Variants in RBM12 observed in about 807,000 individuals in gnomAD.
RBM12 encodes the protein RNA-binding protein 12.
A neutral mutation model predicts 37.2 loss-of-function variants in RBM12; 24 were observed. That is an observed-to-expected ratio of 0.65 (90% CI 0.47 to 0.91). The LOEUF (loss-of-function observed/expected upper bound fraction) is 0.91. Ranked by LOEUF, RBM12 falls within the 40% of genes least tolerant of loss-of-function variation. RBM12 has a pLI of 0.00. For synonymous variants in RBM12, 420 were observed against 425.2 expected, an observed-to-expected ratio of 0.99 and a Z score of 0.15; for missense variants, 1,061 against 1,183.2, an observed-to-expected ratio of 0.90 and a Z score of 1.52.
intron 2 of RBM12, 101 bp downstream of exon 2, chr20:35,658,829 A>T (rs2034063254): frequency 3.2e-6 from 2 of 627,788 alleles, no homozygotes; most frequent in Non-Finnish European, 5.9e-6. Flanking sequence ...ACACACACAC[A>T]CACACACACA....
At chr20:35,655,928 CA>C (rs2033871665) in intron 2 of RBM12, among the ~76,000 whole-genome samples, 1 of 152,100 alleles carries the variant, frequency 6.6e-6, no homozygotes, top group Admixed American at 6.5e-5. Flanking sequence ...GAACTGGTTC[CA>C]TTATTTTATT....
chr20:35,656,289 A>G (rs551684177), intron 2 of RBM12, among the ~76,000 whole-genome samples: 1 of 152,244 alleles, frequency 6.6e-6, no homozygotes, highest in East Asian at 1.9e-4. Flanking sequence ...ACAGTCTTGG[A>G]CCTACACAAC....
At position 35,655,022 on chromosome 20, in the gene RBM12, T is replaced by C. The variant is rs890972480; in HGVS notation, c.301A>G (p.Asn101Asp). Residue 101 changes from asparagine (N) to aspartate (D), a missense_variant, in exon 3 of 3, where the codon AAT becomes GAT. Asn to Asp is a conservative substitution (Grantham distance 23, BLOSUM62 1). This residue lies in a region of RBM12 where 540 missense variants were observed against 632.7 expected (regional missense o/e 0.85). Transcript: ENST00000374114. ...GGTGGTGGTCCTGATCTACTGGCAT[T>C]TGCTGGTGGTATATCTAAGTTGGCA... is the stretch of plus-strand genomic sequence containing the variant. ...ETANLDIPPANASRSGPPPSS... is the reference protein window; with the variant it reads ...ETANLDIPPADASRSGPPPSS... 1 of 1,614,174 alleles carries C rather than the reference T, an allele frequency of 6.2e-7. No individual in the cohort carries two copies. Among genetic ancestry groups the C allele is most frequent in the African/African-American group, 1.3e-5 (1 of 75,040 alleles).
chr20:35,653,253 C>T lies in RBM12; in HGVS notation c.2070G>A (p.Ala690=), dbSNP rs202192430. 3.7e-6 allele frequency: 6 copies of T among 1,613,504 alleles called. No homozygotes were observed. The highest frequency in any genetic ancestry group is 1.7e-5 in the Admixed American group (1 of 59,996). Residue 690 remains alanine, a synonymous_variant, in exon 3 of 3, where the codon GCG becomes GCA. Coordinates refer to ENST00000374114, the MANE Select transcript of RBM12 (RefSeq NM_006047.6). The part of the protein sequence containing the change: ...SAITSAGLPG[A]GMPSAGIPSA... ...TAGGTATTCCTGCACTGGGCATTCC[C>T]GCACCAGGCAGTCCTGCACTGGTTA...
chr20:35,653,693 C>T lies in RBM12; in HGVS notation c.1630G>A (p.Val544Ile). Residue 544 changes from valine (V) to isoleucine (I), a missense_variant, in exon 3 of 3, where the codon GTC (valine) becomes ATC (isoleucine). Physicochemically the swap from Val to Ile is conservative, Grantham distance 29. Transcript: ENST00000374114. ...NPEGDVNSAK[V>I]CAHITNIPFS... ...GGAATATTTGTTATGTGGGCACAGA[C>T]TTTGGCAGAGTTGACATCCCCCTCT... 6.2e-7 allele frequency: 1 copy of T among 1,614,218 alleles called. No homozygotes were observed. The highest frequency in any genetic ancestry group is 2.2e-5 in the East Asian group (1 of 44,892).
At chr20:35,658,800 AAAACACACAC>A in intron 2 of RBM12, 120 bp downstream of exon 2, 1 of 481,520 alleles carries the variant, frequency 2.1e-6, no homozygotes, top group Non-Finnish European at 3.6e-6. Context: ...CAAGCAAACA[AAAACACACAC>A]ACACACACAC....
chr20:35,652,485 C>A lies in RBM12; in HGVS notation c.*39G>T, dbSNP rs1262256294. On this transcript the variant is annotated 3_prime_UTR_variant, in exon 3 of 3. Coordinates refer to ENST00000374114, the MANE Select transcript of RBM12 (RefSeq NM_006047.6). ...AACAATCTGGATGCATTAATCACAG[C>A]AATATGAAGATCTACCCTATAAAAA... 1 of 1,565,336 alleles carries A rather than the reference C, an allele frequency of 6.4e-7. No individual in the cohort carries two copies.
In RBM12 at chr20:35,654,712, G is replaced by C. The variant is rs767090025; in HGVS notation, c.611C>G (p.Ser204Cys). The change falls in exon 3 of 3, where the codon TCC (serine) becomes TGC (cysteine). Residue 204 changes from serine (S) to cysteine (C), a missense_variant. Ser to Cys is a moderately radical substitution (Grantham distance 112). Transcript: ENST00000374114. ...PAMPSLPPMP[S>C]IPPIPVPPPV... ...AGGAGGAACTGGAATTGGGGGAATG[G>C]ATGGCATTGGTGGCAGAGATGGCAT... 10 of 1,613,856 alleles carry C rather than the reference G, an allele frequency of 6.2e-6. No homozygotes were observed. The highest frequency in any genetic ancestry group is 8.5e-6 in the Non-Finnish European group (10 of 1,179,756).
chr20:35,663,280 T>A (rs908428571), intron 1 of RBM12, among the ~76,000 whole-genome samples: 4 of 152,232 alleles, frequency 2.6e-5, no homozygotes, highest in Admixed American at 2.6e-4. Context: ...GATTTCCCTA[T>A]GTGTCCAGAC....
chr20:35,652,464 A>G lies in RBM12; in HGVS notation c.*60T>C. ...CTAACCTGGAAATACTAGGAAAACA[A>G]TCTGGATGCATTAATCACAGCAATA... On this transcript the variant is annotated 3_prime_UTR_variant, in exon 3 of 3. Coordinates refer to ENST00000374114, the MANE Select transcript of RBM12 (RefSeq NM_006047.6). The G allele has an allele frequency of 6.6e-7, 1 of 1,522,540 alleles. No homozygotes were observed. 94.3% of individuals were successfully genotyped at this position (1,522,540 alleles called of 1,614,324 possible).
intron 1 of RBM12, among the ~76,000 whole-genome samples, chr20:35,659,959 T>C (rs1451447049): frequency 6.6e-6 from 1 of 152,220 alleles, no homozygotes; most frequent in Non-Finnish European, 1.5e-5. Flanking sequence ...TCATCTTAAA[T>C]TAGTATCTTC....
At position 35,653,186 on chromosome 20, in the gene RBM12, T is replaced by C; in HGVS notation, c.2137A>G (p.Lys713Glu). The C allele has an allele frequency of 6.2e-7, 1 of 1,613,538 alleles. No homozygotes were observed. The highest frequency in any genetic ancestry group is 8.5e-7 in the Non-Finnish European group (1 of 1,180,030). Reference protein sequence around the residue: ...EEHAFLTVGSKEANNGPPFNF... With the variant: ...EEHAFLTVGSEEANNGPPFNF... ...AATGGAGGCCCATTATTGGCTTCCT[T>C]TGATCCTACAGTCAGGAAGGCATGC... The change falls in exon 3 of 3, where the codon AAG becomes GAG. Residue 713 changes from lysine to glutamate, a missense_variant. Transcript: ENST00000374114.
intron 1 of RBM12, among the ~76,000 whole-genome samples, chr20:35,659,883 G>A (rs1433998557): frequency 1.3e-5 from 2 of 151,782 alleles, no homozygotes; most frequent in African/African-American, 4.8e-5. Context: ...GTTTTAATTC[G>A]GAGAGAGAAG....
At chr20:35,664,306 C>T (rs919141502) in intron 1 of RBM12, 4 of 152,410 alleles carry the variant, frequency 2.6e-5, no homozygotes, top group Non-Finnish European at 4.4e-5. Context: ...GCCACAAAGG[C>T]CTCCTTTCCA....
In RBM12 at chr20:35,653,090, C is replaced by T. The variant is rs1335980165; in HGVS notation, c.2233G>A (p.Gly745Arg). Residue 745 changes from glycine (G) to arginine (R), a missense_variant, in exon 3 of 3, where the codon GGG (glycine) becomes AGG (arginine). Transcript: ENST00000374114. ...CCAGGCCTAGCATCACCAAAGGCCC[C>T]GCCTCCTAATCCTGGAGGAGGGATT... ...PPIPPPGLGG[G>R]AFGDARPGMP... 3 of 1,613,874 alleles carry T rather than the reference C, an allele frequency of 1.9e-6. No individual in the cohort carries two copies. The highest frequency in any genetic ancestry group is 2.2e-5 in the East Asian group (1 of 44,884).
In RBM12 at chr20:35,654,901, T is replaced by C; in HGVS notation, c.422A>G (p.His141Arg). The C allele has an allele frequency of 6.2e-7, 1 of 1,614,162 alleles. No individual in the cohort carries two copies. Among genetic ancestry groups the C allele is most frequent in the Non-Finnish European group, 8.5e-7 (1 of 1,179,988 alleles). Residue 141 changes from histidine (H) to arginine (R), a missense_variant, in exon 3 of 3, where the codon CAT (histidine) becomes CGT (arginine). Physicochemically the swap from His to Arg is conservative, Grantham distance 29. This residue lies in a region of RBM12 where 540 missense variants were observed against 632.7 expected (regional missense o/e 0.85). Transcript: ENST00000374114. ...TGTCTGTATGTTTTTGTTGCTTTCATGAACAGAAGTGGTGGCAGTAACTAC... is the reference window on the plus strand; with the variant it reads ...TGTCTGTATGTTTTTGTTGCTTTCACGAACAGAAGTGGTGGCAGTAACTAC... ...PSVVTATTSVHESNKNIQTFS... is the reference protein window; with the variant it reads ...PSVVTATTSVRESNKNIQTFS...
At position 35,649,412 on chromosome 20, in the gene RBM12, A is replaced by T. The variant is rs1413484166; in HGVS notation, c.*3112T>A. 1 of 152,364 alleles carries T rather than the reference A, an allele frequency of 6.6e-6. No homozygotes were observed. 9.4% of individuals were successfully genotyped at this position (152,364 alleles called of 1,614,324 possible). ...ATGTAATGTTTGCTTACTTCCATAC[A>T]GTCCTAGATTTTCATCCAGTGGGTT... On this transcript the variant is annotated 3_prime_UTR_variant, in exon 3 of 3. Transcript: ENST00000374114.
chr20:35,658,846 T>A, intron 2 of RBM12, 84 bp downstream of exon 2: 4 of 667,814 alleles, frequency 6.0e-6, no homozygotes, highest in African/African-American at 1.9e-5. Flanking sequence ...CACAATATAG[T>A]TGCTACATAT....
In RBM12 at chr20:35,660,007, G is replaced by A. The variant is rs572173334; in HGVS notation, c.-107-993C>T. Among the ~76,000 whole-genome samples, 6 of 152,004 alleles carry A rather than the reference G, an allele frequency of 3.9e-5. No homozygotes were observed. In the South Asian group the frequency reaches 6.2e-4, roughly 16 times the overall value. ...ACAACTAATGACCTTAATATTCATC[G>A]CCAAAAAGTAAAACATATTTCAAAA... On this transcript the variant is annotated intron_variant, in intron 1 of 2. Transcript: ENST00000374114.
Sources: gnomAD v4.1 joint callset for allele counts (sites outside exome capture counted in the v4.1 genomes callset) on GRCh38, gnomAD v4.1.1 for gene constraint, gnomAD v4.1.1 regional missense constraint, MANE v1.5 for transcripts, NCBI Gene and HGNC (gene_info 2026-07-23, HGNC 2026-07-21) for gene names.